Variants in XRN1 observed in about 807,000 individuals in gnomAD.
XRN1 encodes the protein 5'-3' exoribonuclease 1.
In XRN1, 67 loss-of-function variants were observed where a neutral mutation model predicts 222.3. The observed-to-expected ratio is 0.30, with a 90% CI of 0.25 to 0.37. XRN1 has a LOEUF of 0.37. Ranked by LOEUF, XRN1 falls within the 10% of genes least tolerant of loss-of-function variation. The pLI is 1.00. For missense variants in XRN1, 1,707 were observed against 2,000.2 expected, an observed-to-expected ratio of 0.85 and a Z score of 2.80; for synonymous variants, 643 against 652.4, an observed-to-expected ratio of 0.99 and a Z score of 0.22.
chr3:142,414,087 C>T, intron 14 of XRN1, 48 bp downstream of exon 14: 1 of 1,473,784 alleles, frequency 6.8e-7, no homozygotes, highest in Non-Finnish European at 9.1e-7. Context: ...GGAGGAAGAG[C>T]TTCTAAATAT....
At chr3:142,421,659 A>G (rs1206576763) in intron 8 of XRN1, 116 bp from the exon 9 acceptor site, 3 of 674,090 alleles carry the variant, frequency 4.5e-6, no homozygotes, top group African/African-American at 1.9e-5. Context: ...TAATCAAGAA[A>G]AAACAGTGTT....
rs547919545 is a variant in XRN1 at position 142,439,745 on chromosome 3, G to T, written c.76-6852C>A. On this transcript the variant is annotated intron_variant, in intron 1 of 40. Transcript: ENST00000392981. ...GAGGAGCAGGCGGAACAGGACAAACGGGATTAAAAAAAAAAAGGCCACCGC... is the reference window on the plus strand; with the variant it reads ...GAGGAGCAGGCGGAACAGGACAAACTGGATTAAAAAAAAAAAGGCCACCGC... Among the ~76,000 whole-genome samples, 160 of 127,386 alleles carry T rather than the reference G, an allele frequency of 1.3e-3. 1 individual carries two copies. The highest frequency in any genetic ancestry group is 1.9e-3 in the Non-Finnish European group (108 of 57,316). 83.6% of individuals were successfully genotyped at this position (127,386 alleles called of 152,430 possible).
intron 35 of XRN1, chr3:142,332,742 T>C (rs766804836): frequency 4.4e-5 from 33 of 751,172 alleles, no homozygotes; most frequent in Middle Eastern, 6.5e-4. Flanking sequence ...TTAACTTTCA[T>C]CCCAGTTACC....
chr3:142,396,613 A>G (rs545560332), intron 20 of XRN1, among the ~76,000 whole-genome samples: 1 of 152,290 alleles, frequency 6.6e-6, no homozygotes, highest in Admixed American at 6.5e-5. Context: ...CGGTTTATTC[A>G]TCTTTGAATA....
chr3:142,349,816 A>G (rs1484286932), intron 32 of XRN1, among the ~76,000 whole-genome samples: 1 of 152,186 alleles, frequency 6.6e-6, no homozygotes, highest in African/African-American at 2.4e-5. Context: ...GAGATAAAAC[A>G]TGAGAGTGTT....
At chr3:142,425,000 G>T (rs1192823885) in intron 5 of XRN1, among the ~76,000 whole-genome samples, 1 of 152,090 alleles carries the variant, frequency 6.6e-6, no homozygotes, top group Non-Finnish European at 1.5e-5. Flanking sequence ...ACTAGGATTA[G>T]TCACACCTGT....
At position 142,329,482 on chromosome 3, in the gene XRN1, G is replaced by A. The variant is rs139447998; in HGVS notation, c.4356C>T (p.Ser1452=). 1.1e-5 allele frequency: 17 copies of A among 1,595,744 alleles called. No individual in the cohort carries two copies. The highest frequency in any genetic ancestry group is 8.1e-5 in the African/African-American group (6 of 73,658). Residue 1452 remains serine (S), a synonymous_variant, in exon 37 of 41, where the codon TCC becomes TCT. Transcript: ENST00000392981. ...TPVTELSRIC[S]LVGMPQPDFS... Reference sequence around the variant, plus strand: ...AATCAGGTTGTGGCATTCCAACAAGGGAACAAATTCGAGAAAGTTCAGTTA... The same window carrying A: ...AATCAGGTTGTGGCATTCCAACAAGAGAACAAATTCGAGAAAGTTCAGTTA...
rs1165458646 is a variant in XRN1, at chr3:142,307,328, C to T, written c.*4183G>A. 6.6e-6 allele frequency: 1 copy of T among 151,718 alleles called. No individual in the cohort carries two copies. The highest frequency in any genetic ancestry group is 1.5e-5 in the Non-Finnish European group (1 of 67,964). 9.4% of individuals were successfully genotyped at this position (151,718 alleles called of 1,614,324 possible). ...CCTGGACAATTTAATAGTATACCAA[C>T]TGCTGAAACAACCAAGTGCAGTTGG... On this transcript the variant is annotated 3_prime_UTR_variant, in exon 41 of 41. Coordinates refer to ENST00000392981, the MANE Select transcript of XRN1 (RefSeq NM_001282857.2).
chr3:142,423,034 A>C, intron 6 of XRN1, 112 bp from the exon 7 acceptor site: 1 of 795,782 alleles, frequency 1.3e-6, no homozygotes, highest in South Asian at 1.8e-5. Context: ...AAGGTCTTGT[A>C]ATTAAGGCAT....
chr3:142,373,398 A>G (rs1053441925), intron 25 of XRN1, among the ~76,000 whole-genome samples: 1 of 152,118 alleles, frequency 6.6e-6, no homozygotes, highest in Admixed American at 6.5e-5. Flanking sequence ...TCCCAGAAAT[A>G]GAAAGCAGGA....
chr3:142,352,735 G>A (rs941706604), intron 32 of XRN1, among the ~76,000 whole-genome samples: 4 of 152,126 alleles, frequency 2.6e-5, no homozygotes, highest in Admixed American at 2.6e-4. Flanking sequence ...CACCTCCTGG[G>A]TTCAAGTGAT....
rs926988637 is a variant in XRN1 at position 142,437,573 on chromosome 3, C to T, written c.76-4680G>A. Among the ~76,000 whole-genome samples the T allele has an allele frequency of 3.3e-5, 5 of 152,318 alleles. No homozygotes were observed. The East Asian group carries it at 5.8e-4, about 18-fold the overall frequency. ...AATCCTATATTCTTTCCTCTTTCTA[C>T]ATATCTTTACAAGCTACTACAAGAA... On this transcript the variant is annotated intron_variant, in intron 1 of 40. Transcript: ENST00000392981.
chr3:142,367,945 GAAAA>G (rs5853069), intron 27 of XRN1, among the ~76,000 whole-genome samples: 7 of 149,352 alleles, frequency 4.7e-5, no homozygotes, highest in African/African-American at 1.7e-4. Flanking sequence ...AATCCTGAAA[GAAAA>G]AAAAAAATCA....
At chr3:142,364,286 G>C (rs2066750156) in intron 29 of XRN1, among the ~76,000 whole-genome samples, 2 of 152,176 alleles carry the variant, frequency 1.3e-5, no homozygotes, top group South Asian at 4.1e-4. Context: ...TAGAGGAATG[G>C]TGCTGCCAGC....
At chr3:142,335,725 G>A (rs559609553) in intron 33 of XRN1, among the ~76,000 whole-genome samples, 29 of 152,242 alleles carry the variant, frequency 1.9e-4, no homozygotes, top group African/African-American at 7.0e-4. Flanking sequence ...ATTGGGCCTC[G>A]AAGGAGGTAG....
At chr3:142,414,028 A>G (rs2068691704) in intron 14 of XRN1, 107 bp downstream of exon 14, 5 of 1,168,522 alleles carry the variant, frequency 4.3e-6, no homozygotes, top group Non-Finnish European at 5.8e-6. Context: ...AAAACTGAAA[A>G]TAACTACTTA....
intron 32 of XRN1, among the ~76,000 whole-genome samples, chr3:142,349,542 A>G (rs564084039): frequency 6.6e-6 from 1 of 152,148 alleles, no homozygotes; most frequent in African/African-American, 2.4e-5. Flanking sequence ...TTGGAGCTCT[A>G]ACTCCAAAAT....
At chr3:142,359,779 T>C (rs2066566736) in intron 30 of XRN1, 83 bp downstream of exon 30, 12 of 1,084,112 alleles carry the variant, frequency 1.1e-5, no homozygotes, top group Middle Eastern at 4.2e-4. Flanking sequence ...CAAACTGAAA[T>C]TGTAAACAAA....
chr3:142,307,202 A>G lies in XRN1; in HGVS notation c.*4309T>C, dbSNP rs2064986089. 1.3e-5 allele frequency: 2 copies of G among 152,138 alleles called. No homozygotes were observed. The highest frequency in any genetic ancestry group is 1.3e-4 in the Admixed American group (2 of 15,260). 9.4% of individuals were successfully genotyped at this position (152,138 alleles called of 1,614,324 possible). The stretch of plus-strand genomic sequence containing the variant: ...CTGTAAGGGAAAGAAAGGAAGAGAG[A>G]ACTTAAAGCTAACTATGGACCAAAT... On this transcript the variant is annotated 3_prime_UTR_variant, in exon 41 of 41. Transcript: ENST00000392981.
Sources: allele counts gnomAD v4.1 joint callset (sites outside exome capture counted in the v4.1 genomes callset), GRCh38; gene constraint gnomAD v4.1.1; transcripts MANE v1.5; gene names NCBI Gene and HGNC (gene_info 2026-07-23, HGNC 2026-07-21).